Variants in CRHR1 observed in about 807,000 individuals in gnomAD.
CRHR1 encodes corticotropin releasing hormone receptor 1.
A neutral mutation model predicts 56.0 loss-of-function variants in CRHR1; 28 were observed. That is an observed-to-expected ratio of 0.50 (90% CI 0.37 to 0.69). The LOEUF is 0.69. Among genes scored for constraint, CRHR1 ranks in the 30% least tolerant of loss-of-function variants. The probability of loss-of-function intolerance (pLI) is 0.00; values close to 1 mark genes in which losing one functional copy is unlikely to be tolerated. For missense variants in CRHR1, 376 were observed against 548.0 expected, an observed-to-expected ratio of 0.69 and a Z score of 3.13; for synonymous variants, 195 against 216.5, an observed-to-expected ratio of 0.90 and a Z score of 0.87.
At chr17:45,790,642 G>A (rs1218692074) in intron 1 of CRHR1, among the ~76,000 whole-genome samples, 1 of 152,180 alleles carries the variant, frequency 6.6e-6, no homozygotes, top group East Asian at 1.9e-4. Flanking sequence ...TGGGATTTGT[G>A]GGGTGTGCAT....
chr17:45,813,608 GCGAT>G (rs2061868593), intron 2 of CRHR1, among the ~76,000 whole-genome samples: 1 of 152,202 alleles, frequency 6.6e-6, no homozygotes, highest in African/African-American at 2.4e-5. Flanking sequence ...TCGCAGCTCT[GCGAT>G]CGAGGGGCAG....
chr17:45,829,117 T>A (rs1483201017), intron 4 of CRHR1, 98 bp from the exon 5 acceptor site: 2 of 908,290 alleles, frequency 2.2e-6, no homozygotes, highest in Non-Finnish European at 3.5e-6. Flanking sequence ...GCCCTTGAGA[T>A]CATGACCCGC....
chr17:45,787,744 C>T (rs1214962194), intron 1 of CRHR1, among the ~76,000 whole-genome samples: 1 of 152,160 alleles, frequency 6.6e-6, no homozygotes, highest in African/African-American at 2.4e-5. Flanking sequence ...ATCCCTATAT[C>T]GGTGCATATC....
chr17:45,833,814 TTC>T lies in CRHR1; in HGVS notation c.1031_1032del (p.Phe344TyrfsTer24), dbSNP rs1221298630. ...PGEDEVSRVV[F>X]IYFNSFLESF... ...GGAGGATGAGGTCTCCCGGGTCGTC[TTC>T]ATCTACTTCAACTCCTTCCTGGAAT... is the stretch of plus-strand genomic sequence containing the variant. On this transcript the variant is annotated frameshift_variant, in exon 11 of 13. Transcript: ENST00000314537. LOFTEE classifies it high-confidence loss of function. 6.2e-7 allele frequency: 1 copy of T among 1,613,280 alleles called. No individual in the cohort carries two copies.
At chr17:45,823,322 C>G (rs1343516695) in intron 4 of CRHR1, among the ~76,000 whole-genome samples, 1 of 151,796 alleles carries the variant, frequency 6.6e-6, no homozygotes, top group Non-Finnish European at 1.5e-5. Flanking sequence ...CTAGTGCGAC[C>G]CGTTCACACT....
At chr17:45,829,545 T>C (rs1156637707) in intron 5 of CRHR1, 3 of 1,545,830 alleles carry the variant, frequency 1.9e-6, no homozygotes, top group South Asian at 2.4e-5. Context: ...ACTTGTCTTA[T>C]GTCACCCATA....
chr17:45,834,238 C>T (rs537560239), intron 12 of CRHR1, among the ~76,000 whole-genome samples, 190 bp downstream of exon 12: 1 of 152,342 alleles, frequency 6.6e-6, no homozygotes, highest in East Asian at 1.9e-4. Flanking sequence ...TGACAGCCCC[C>T]TCCTTTGCTC....
chr17:45,800,824 C>G (rs571629099), intron 1 of CRHR1: 1 of 152,292 alleles, frequency 6.6e-6, no homozygotes, highest in African/African-American at 2.4e-5. Context: ...GCTCCCTTTT[C>G]CCTGTTCCCC....
intron 4 of CRHR1, 129 bp downstream of exon 4, chr17:45,821,569 T>C: frequency 1.1e-6 from 1 of 888,352 alleles, no homozygotes; most frequent in South Asian, 1.5e-5. Context: ...TGAAGCTGAC[T>C]GGGGAGCTGG....
intron 10 of CRHR1, 21 bp from the exon 11 acceptor site, chr17:45,833,693 T>TTGGGGGGGGGGG: frequency 1.3e-6 from 2 of 1,571,616 alleles, no homozygotes; most frequent in Non-Finnish European, 1.7e-6. Flanking sequence ...ACTCCGAGCC[T>TTGGGGGGGGGGG]CCCCACCCGC....
intron 1 of CRHR1, among the ~76,000 whole-genome samples, chr17:45,803,098 C>T (rs899819526): frequency 2.6e-5 from 4 of 152,016 alleles, no homozygotes; most frequent in Admixed American, 6.6e-5. Flanking sequence ...GCAGACGGGC[C>T]CTGGAACTGG....
intron 1 of CRHR1, among the ~76,000 whole-genome samples, chr17:45,803,513 A>T (rs1302187690): frequency 1.3e-5 from 2 of 151,950 alleles, no homozygotes; most frequent in Non-Finnish European, 2.9e-5. Context: ...CAGCCTCCTG[A>T]GTAGCTGGGA....
chr17:45,831,554 C>T (rs896628361), intron 8 of CRHR1, among the ~76,000 whole-genome samples: 2 of 152,160 alleles, frequency 1.3e-5, no homozygotes, highest in African/African-American at 4.8e-5. Context: ...AACTTTGGCT[C>T]ACATTAGAAT....
At chr17:45,832,233 C>T (rs1423766831) in intron 8 of CRHR1, among the ~76,000 whole-genome samples, 1 of 152,036 alleles carries the variant, frequency 6.6e-6, no homozygotes. Flanking sequence ...CTCCATGAGT[C>T]TCAAAAAACA....
chr17:45,786,861 A>C (rs142573367), intron 1 of CRHR1, among the ~76,000 whole-genome samples: 1 of 152,000 alleles, frequency 6.6e-6, no homozygotes, highest in African/African-American at 2.4e-5. Context: ...GGCTGGTCTC[A>C]AACTCCTGGG....
intron 1 of CRHR1, among the ~76,000 whole-genome samples, chr17:45,805,372 C>T (rs2061700673): frequency 6.6e-6 from 1 of 152,114 alleles, no homozygotes. Flanking sequence ...TGCGTGCTGC[C>T]TGGGCTGGCC....
intron 4 of CRHR1, among the ~76,000 whole-genome samples, chr17:45,828,599 A>T (rs998387012): frequency 6.6e-6 from 1 of 152,206 alleles, no homozygotes; most frequent in African/African-American, 2.4e-5. Flanking sequence ...CTCTGCACAG[A>T]TCCCCTTGGG....
intron 4 of CRHR1, among the ~76,000 whole-genome samples, chr17:45,828,602 C>T (rs1388677458): frequency 1.3e-5 from 2 of 152,206 alleles, no homozygotes; most frequent in African/African-American, 4.8e-5. Flanking sequence ...TGCACAGATC[C>T]CCTTGGGCCA....
chr17:45,788,379 A>G (rs1459544139), intron 1 of CRHR1, among the ~76,000 whole-genome samples: 1 of 152,144 alleles, frequency 6.6e-6, no homozygotes, highest in Admixed American at 6.5e-5. Flanking sequence ...TGTCTCTGTG[A>G]AAGGTCTGTG....
Sources: allele counts gnomAD v4.1 joint callset (sites outside exome capture counted in the v4.1 genomes callset), GRCh38; gene constraint gnomAD v4.1.1; transcripts MANE v1.5; gene names NCBI Gene and HGNC (gene_info 2026-07-23, HGNC 2026-07-21).